Variants in CPLX1 observed in about 807,000 individuals in gnomAD.
CPLX1 encodes complexin 1.
Under a neutral mutation model 15.6 loss-of-function variants are expected in CPLX1, and 6 were observed. That is an observed-to-expected ratio of 0.39 (90% CI 0.21 to 0.76). The LOEUF is 0.76. CPLX1 is among the 30% of genes least tolerant of loss of function. CPLX1 has a pLI of 0.43. For missense variants in CPLX1, 242 were observed against 188.6 expected, an observed-to-expected ratio of 1.28 and a Z score of -1.66; for synonymous variants, 91 against 75.2, an observed-to-expected ratio of 1.21 and a Z score of -1.08.
chr4:787,576 C>G, intron 3 of CPLX1: 2 of 739,322 alleles, frequency 2.7e-6, no homozygotes, highest in Non-Finnish European at 3.3e-6. Context: ...GGCGGGCATA[C>G]GAAAGCGGAG....
At chr4:825,948 A>C (rs1577001405) in intron 1 of CPLX1, 98 bp downstream of exon 1, 5 of 108,384 alleles carry the variant, frequency 4.6e-5, no homozygotes, top group Admixed American at 9.3e-5. Context: ...CGGCGGGAGA[A>C]GCGGGGAGAA....
At chr4:787,309 G>C in intron 3 of CPLX1, 1 of 985,380 alleles carries the variant, frequency 1.0e-6, no homozygotes, top group African/African-American at 1.7e-5. Flanking sequence ...CCCTCAGCCA[G>C]TATGCCTGGG....
chr4:802,722 G>A (rs1024473005), intron 2 of CPLX1, among the ~76,000 whole-genome samples: 1 of 152,168 alleles, frequency 6.6e-6, no homozygotes, highest in African/African-American at 2.4e-5. Flanking sequence ...GGCCAAGGTG[G>A]GAGGATCAAA....
chr4:810,046 TC>T, intron 2 of CPLX1, among the ~76,000 whole-genome samples: 1 of 139,760 alleles, frequency 7.2e-6, no homozygotes, highest in East Asian at 2.0e-4. Context: ...ATCTGCACTT[TC>T]TTTTTTTTTT....
At chr4:807,939 TCAGAGTCATGG>T (rs1222235167) in intron 2 of CPLX1, among the ~76,000 whole-genome samples, 4 of 152,178 alleles carry the variant, frequency 2.6e-5, no homozygotes, top group Non-Finnish European at 4.4e-5. Flanking sequence ...ATGCTTTGGC[TCAGAGTCATGG>T]CACAGGTGCA....
At chr4:787,048 G>A (rs997387762) in intron 3 of CPLX1, 2 of 985,426 alleles carry the variant, frequency 2.0e-6, no homozygotes, top group Non-Finnish European at 2.4e-6. Flanking sequence ...CCGGGGCAGG[G>A]AGGGGTGGGC....
intron 2 of CPLX1, among the ~76,000 whole-genome samples, chr4:817,889 ATC>A (rs1355754619): frequency 6.6e-6 from 1 of 152,170 alleles, no homozygotes; most frequent in African/African-American, 2.4e-5. Flanking sequence ...TGGACATAGT[ATC>A]TCAGAATATT....
chr4:790,594 G>A (rs1194493231), intron 3 of CPLX1, among the ~76,000 whole-genome samples: 1 of 152,122 alleles, frequency 6.6e-6, no homozygotes. Context: ...CCTGCCTCTG[G>A]GGACCCTGAG....
intron 2 of CPLX1, among the ~76,000 whole-genome samples, chr4:799,617 C>A (rs1345101212): frequency 6.6e-6 from 1 of 152,178 alleles, no homozygotes; most frequent in Non-Finnish European, 1.5e-5. Flanking sequence ...AATCCCAGCA[C>A]TTTGGGAGGC....
At chr4:811,420 ACAGACATGAGCCACTG>A (rs2152647010) in intron 2 of CPLX1, among the ~76,000 whole-genome samples, 1 of 152,268 alleles carries the variant, frequency 6.6e-6, no homozygotes, top group Non-Finnish European at 1.5e-5. Flanking sequence ...TGTTGGGATT[ACAGACATGAGCCACTG>A]CACCCAGCCT....
At chr4:793,699 C>T (rs11725571) in intron 2 of CPLX1, among the ~76,000 whole-genome samples, 30,955 of 152,124 alleles carry the variant, frequency 0.2, 3,710 homozygotes, top group Middle Eastern at 0.36. Flanking sequence ...TCTGGCCACA[C>T]GTTGCCCCTG....
Position 792,542 on chromosome 4 carries a change from T to G in CPLX1, c.98A>C (p.Lys33Thr), listed in dbSNP as rs1746214652. The change falls in exon 3 of 4, where the codon AAG becomes ACG. Residue 33 changes from lysine to threonine, a missense_variant. Lys to Thr is a moderately conservative substitution (Grantham distance 78). Coordinates refer to ENST00000304062, the MANE Select transcript of CPLX1 (RefSeq NM_006651.4). The part of the protein sequence containing the change: ...DEEKDPDAAK[K>T]EEERQEALRQ... ...CAGCGCCTCCTGCCGCTCCTCCTCC[T>G]TCTTGGCGGCGTCTGGGTCCTTCTC... is the stretch of plus-strand genomic sequence containing the variant. 6.2e-7 allele frequency: 1 copy of G among 1,613,152 alleles called. No individual in the cohort carries two copies. The highest frequency in any genetic ancestry group is 8.5e-7 in the Non-Finnish European group (1 of 1,179,598).
intron 2 of CPLX1, among the ~76,000 whole-genome samples, chr4:799,270 G>T (rs1746406278): frequency 6.6e-6 from 1 of 152,214 alleles, no homozygotes; most frequent in South Asian, 2.1e-4. Flanking sequence ...GCTGGGTTTA[G>T]ATCACACCCT....
intron 2 of CPLX1, among the ~76,000 whole-genome samples, chr4:810,110 C>T (rs536647105): frequency 3.5e-5 from 5 of 144,070 alleles, no homozygotes; most frequent in Non-Finnish European, 4.5e-5. Context: ...AGTGCAGTGG[C>T]ATGATCTCAG....
Position 786,425 on chromosome 4 carries a change from C to T in CPLX1, c.*76G>A. ...ATCGGCGTGGGGGCTGCGCTCTGCT[C>T]GTCCCTCAGGGGCCTCCGCGGAGGA... On this transcript the variant is annotated 3_prime_UTR_variant, in exon 4 of 4. Transcript: ENST00000304062. The T allele has an allele frequency of 2.1e-6, 3 of 1,442,340 alleles. No individual in the cohort carries two copies. Among genetic ancestry groups the T allele is most frequent in the Non-Finnish European group, 2.8e-6 (3 of 1,084,138 alleles). 89.3% of individuals were successfully genotyped at this position (1,442,340 alleles called of 1,614,324 possible).
chr4:810,391 C>G (rs1251548989), intron 2 of CPLX1, among the ~76,000 whole-genome samples: 4 of 152,150 alleles, frequency 2.6e-5, no homozygotes, highest in Non-Finnish European at 5.9e-5. Context: ...CGTCTAGGAG[C>G]AGAATTGCTC....
chr4:823,668 C>T (rs969245457), intron 2 of CPLX1, among the ~76,000 whole-genome samples: 9 of 152,244 alleles, frequency 5.9e-5, no homozygotes, highest in Admixed American at 3.9e-4. Context: ...ACGACAGCCC[C>T]GAGGCCTGAG....
In CPLX1 at chr4:790,915, CCTCT is replaced by C. The variant is rs951496400; in HGVS notation, c.207+1514_207+1517del. ...GTCTCTCCTCTCTTTGTCTCTCTCCCCTCTCTCTTTCCCTCTTTTTGTCTTTTTC... is the reference window on the plus strand; with the variant it reads ...GTCTCTCCTCTCTTTGTCTCTCTCCCCTCTTTCCCTCTTTTTGTCTTTTTC... On this transcript the variant is annotated intron_variant, in intron 3 of 3. Coordinates refer to ENST00000304062, the MANE Select transcript of CPLX1 (RefSeq NM_006651.4). 1.5e-4 allele frequency among the ~76,000 whole-genome samples: 22 copies of C among 148,220 alleles called. 1 individual carries two copies. Among genetic ancestry groups the C allele is most frequent in the Admixed American group, 1.1e-3 (17 of 14,786 alleles).
intron 2 of CPLX1, among the ~76,000 whole-genome samples, chr4:795,459 C>A (rs897715143): frequency 6.6e-6 from 1 of 152,238 alleles, no homozygotes; most frequent in African/African-American, 2.4e-5. Context: ...GAGGCCGCTG[C>A]GGCGCGGGGC....
Sources: allele counts gnomAD v4.1 joint callset (sites outside exome capture counted in the v4.1 genomes callset), GRCh38; gene constraint gnomAD v4.1.1; transcripts MANE v1.5; gene names NCBI Gene and HGNC (gene_info 2026-07-23, HGNC 2026-07-21).